PIK3C2G: variants seen among roughly 807,000 people sequenced by gnomAD.
PIK3C2G encodes the protein phosphatidylinositol 3-kinase C2 domain-containing subunit gamma.
Under a neutral mutation model 181.1 loss-of-function variants are expected in PIK3C2G, and 168 were observed. That is an observed-to-expected ratio of 0.93 (90% CI 0.82 to 1.05). The LOEUF (loss-of-function observed/expected upper bound fraction) is 1.05. Among genes scored for constraint, PIK3C2G ranks in the 50% least tolerant of loss-of-function variants. The pLI is 0.00. For missense variants in PIK3C2G, 1,869 were observed against 1,732.8 expected (o/e 1.08, Z -1.40); for synonymous variants, 573 against 592.2 (o/e 0.97, Z 0.47).
chr12:18,692,935 C>A, the PIK3C2G span: 1,045 of 1,538,658 alleles, frequency 6.8e-4, 10 homozygotes, highest in African/African-American at 0.013. Flanking sequence ...CCACTGGTGA[C>A]ACCTCACACT....
chr12:18,703,863 C>CA, the PIK3C2G span, among the ~76,000 whole-genome samples: 29 of 151,132 alleles, frequency 1.9e-4, no homozygotes, highest in Non-Finnish European at 3.2e-4. Context: ...TTTAAGTTGG[C>CA]AAAAAAAATA....
At chr12:18,605,164 A>T (rs1017998075) in intron 30 of PIK3C2G, among the ~76,000 whole-genome samples, 1 of 152,182 alleles carries the variant, frequency 6.6e-6, no homozygotes, top group African/African-American at 2.4e-5. Context: ...GAAAAGAAAG[A>T]AAATCCAAAT....
intron 7 of PIK3C2G, among the ~76,000 whole-genome samples, chr12:18,321,912 G>A (rs944335004): frequency 5.3e-5 from 8 of 152,044 alleles, no homozygotes; most frequent in Non-Finnish European, 8.8e-5. Context: ...ACACAGGGAG[G>A]GGAACAACAC....
intron 4 of PIK3C2G, among the ~76,000 whole-genome samples, chr12:18,291,626 T>G (rs1459459354): frequency 6.6e-6 from 1 of 152,198 alleles, no homozygotes; most frequent in African/African-American, 2.4e-5. Flanking sequence ...TCCACTATTT[T>G]GCAAAACAGT....
At chr12:18,414,238 A>G (rs1945040652) in intron 16 of PIK3C2G, among the ~76,000 whole-genome samples, 1 of 152,170 alleles carries the variant, frequency 6.6e-6, no homozygotes, top group Non-Finnish European at 1.5e-5. Flanking sequence ...TTATTCATAT[A>G]TATTCATTAA....
chr12:18,461,519 C>A (rs573755068), intron 18 of PIK3C2G, among the ~76,000 whole-genome samples: 1 of 152,254 alleles, frequency 6.6e-6, no homozygotes, highest in South Asian at 2.1e-4. Flanking sequence ...ATCTACATTG[C>A]CAAATTGCCT....
intron 31 of PIK3C2G, among the ~76,000 whole-genome samples, chr12:18,619,185 A>G (rs1466795203): frequency 3.9e-5 from 6 of 151,946 alleles, no homozygotes; most frequent in Non-Finnish European, 8.8e-5. Flanking sequence ...CATATGGTAT[A>G]TGGAGGAATA....
chr12:18,511,902 A>G (rs1280018027), intron 24 of PIK3C2G, among the ~76,000 whole-genome samples: 6 of 152,152 alleles, frequency 3.9e-5, no homozygotes, highest in Admixed American at 2.0e-4. Context: ...GACCAATGTC[A>G]TGGAGATTTC....
intron 1 of PIK3C2G, among the ~76,000 whole-genome samples, chr12:18,267,729 C>G (rs1431786681): frequency 1.3e-5 from 2 of 152,184 alleles, no homozygotes; most frequent in African/African-American, 4.8e-5. Flanking sequence ...ATATTGCTTT[C>G]ATGTCCAATT....
chr12:18,519,653 G>T (rs1474149649), intron 24 of PIK3C2G, among the ~76,000 whole-genome samples: 1 of 152,026 alleles, frequency 6.6e-6, no homozygotes, highest in African/African-American at 2.4e-5. Flanking sequence ...ACACCGATTG[G>T]TCTTGACTCT....
intron 17 of PIK3C2G, among the ~76,000 whole-genome samples, chr12:18,421,854 C>G (rs1213501567): frequency 6.6e-6 from 1 of 151,354 alleles, no homozygotes; most frequent in Non-Finnish European, 1.5e-5. Flanking sequence ...GTAGAAGGAG[C>G]CTATATTAAT....
At chr12:18,290,199 ACAT>A (rs1949630003) in intron 3 of PIK3C2G, among the ~76,000 whole-genome samples, 1 of 152,160 alleles carries the variant, frequency 6.6e-6, no homozygotes, top group African/African-American at 2.4e-5. Flanking sequence ...TCTGGCCATA[ACAT>A]TACTAAATGA....
the PIK3C2G span, chr12:18,683,360 C>G: frequency 6.3e-7 from 1 of 1,594,252 alleles, no homozygotes; most frequent in Non-Finnish European, 8.6e-7. Context: ...GACCAATAAC[C>G]AATTAATCAG....
At position 18,645,136 on chromosome 12, in the gene PIK3C2G, A is replaced by G. The variant is rs1014080723; in HGVS notation, c.4309-2740A>G. ...GAAAAAGAAATTAAAAGAGCTATTT[A>G]TTTTTGGTTCTGAGTATGTACCAGA... On this transcript the variant is annotated intron_variant, in intron 32 of 32. Coordinates refer to ENST00000538779, the MANE Select transcript of PIK3C2G (RefSeq NM_001288772.2). Among the ~76,000 whole-genome samples, 5 of 151,486 alleles carry G rather than the reference A, an allele frequency of 3.3e-5. 1 individual carries two copies. In the South Asian group the frequency reaches 1.0e-3, roughly 32 times the overall value.
chr12:18,594,590 A>C, intron 30 of PIK3C2G, 21 bp downstream of exon 30: 1 of 1,268,916 alleles, frequency 7.9e-7, no homozygotes, highest in Non-Finnish European at 1.1e-6. Flanking sequence ...TTGTCATTAT[A>C]TTACGTACAG....
Position 18,620,354 on chromosome 12 carries a change from A to AT in PIK3C2G, c.4182+10731dup, listed in dbSNP as rs1265781606. 3.3e-5 allele frequency among the ~76,000 whole-genome samples: 5 copies of AT among 152,152 alleles called. No individual in the cohort carries two copies. In the South Asian group the frequency reaches 1.0e-3, roughly 32 times the overall value. ...AATGAACATCTTTATTTCTAGTAGT[A>AT]TTTTTTGCCCTCAAAAATACTTTTC... On this transcript the variant is annotated intron_variant, in intron 31 of 32. Transcript: ENST00000538779.
rs11285609 is a variant in PIK3C2G at position 18,641,743 on chromosome 12, C to CTTTTTTTTTTTTTTTTTTTTTT, written c.4308+1209_4308+1210insTTTTTTTTTTTTTTTTTTTTTT. On this transcript the variant is annotated intron_variant, in intron 32 of 32. Coordinates refer to ENST00000538779, the MANE Select transcript of PIK3C2G (RefSeq NM_001288772.2). ...AAAACCCTGGCTTCTCTCTCTCAAG[C>CTTTTTTTTTTTTTTTTTTTTTT]TTTTTTTTTTTTTTTTTTTTGAGAT... is the stretch of plus-strand genomic sequence containing the variant. 5.4e-5 allele frequency among the ~76,000 whole-genome samples: 5 copies of CTTTTTTTTTTTTTTTTTTTTTT among 93,178 alleles called. 1 individual carries two copies. The highest frequency in any genetic ancestry group is 2.0e-4 in the African/African-American group (4 of 20,346). 61.1% of individuals were successfully genotyped at this position (93,178 alleles called of 152,430 possible). A position where few individuals can be genotyped will look rare whatever the true frequency, so the allele number is the denominator to read the frequency against.
chr12:18,248,542 G>A (rs1053770307), intron 1 of PIK3C2G, among the ~76,000 whole-genome samples: 8 of 152,168 alleles, frequency 5.3e-5, no homozygotes, highest in Non-Finnish European at 1.5e-5. Context: ...CTGCACTCCA[G>A]CCTGGGTGAC....
At chr12:18,691,880 G>T in the PIK3C2G span, among the ~76,000 whole-genome samples, 1 of 152,108 alleles carries the variant, frequency 6.6e-6, no homozygotes, top group South Asian at 2.1e-4. Flanking sequence ...TTCCTGCAAT[G>T]GTCAGGATCA....
Sources: allele counts gnomAD v4.1 joint callset (sites outside exome capture counted in the v4.1 genomes callset), GRCh38; gene constraint gnomAD v4.1.1; transcripts MANE v1.5; gene names NCBI Gene and HGNC (gene_info 2026-07-23, HGNC 2026-07-21).